Variants in SNAP47 observed in about 807,000 individuals in gnomAD.
SNAP47 encodes synaptosomal-associated protein 47.
In SNAP47, 20 loss-of-function variants were observed where a neutral mutation model predicts 31.4. The observed-to-expected ratio is 0.64, with a 90% CI of 0.45 to 0.93. The LOEUF (loss-of-function observed/expected upper bound fraction) is 0.93, where lower values mean the gene tolerates loss of function less well. SNAP47 is among the 40% of genes least tolerant of loss of function. SNAP47 has a pLI of 0.00. For synonymous variants in SNAP47, 194 were observed against 213.4 expected (o/e 0.91, Z 0.79); for missense variants, 492 against 528.5 (o/e 0.93, Z 0.68).
At position 227,748,229 on chromosome 1, in the gene SNAP47, G is replaced by C. The variant is rs201961944; in HGVS notation, c.493G>C (p.Asp165His). 7.4e-5 allele frequency: 117 copies of C among 1,577,420 alleles called. No homozygotes were observed. Among genetic ancestry groups the C allele is most frequent in the Non-Finnish European group, 3.4e-6 (4 of 1,161,914 alleles). Residue 165 changes from aspartate to histidine, a missense_variant, in exon 2 of 5, where the codon GAC becomes CAC. Coordinates refer to ENST00000617596, the MANE Select transcript of SNAP47 (RefSeq NM_053052.4). ...GATGGAGTCAGACCTGGAGGTGGCG[G>C]ACAGGTGGGCTTGCTGTGTACACTT... ...DKMESDLEVA[D>H]RLLTELESPA... is the part of the protein sequence containing the mutation.
intron 2 of SNAP47, among the ~76,000 whole-genome samples, chr1:227,754,954 C>T (rs1662603477): frequency 6.6e-6 from 1 of 152,144 alleles, no homozygotes; most frequent in Admixed American, 6.5e-5. Flanking sequence ...CCTAAGCACC[C>T]CAGCCAACTG....
At chr1:227,730,591 C>G (rs1660579170), upstream of SNAP47, 1 of 152,140 alleles carries the variant, frequency 6.6e-6, no homozygotes, top group African/African-American at 2.4e-5. Context: ...TGTAACAGCC[C>G]CAGCCTGAGA....
upstream of SNAP47, chr1:227,734,761 G>C (rs371069318): frequency 5.3e-5 from 86 of 1,614,116 alleles, no homozygotes; most frequent in African/African-American, 9.6e-4. Context: ...TGTGCTCTTT[G>C]GGGTTCGAGT....
upstream of SNAP47, among the ~76,000 whole-genome samples, chr1:227,730,096 C>T (rs1414257526): frequency 6.6e-6 from 1 of 152,226 alleles, no homozygotes; most frequent in African/African-American, 2.4e-5. Flanking sequence ...CTCAGGAACA[C>T]TAGTTAGCTG....
intron 3 of SNAP47, among the ~76,000 whole-genome samples, chr1:227,765,207 A>G (rs1663314814): frequency 6.6e-6 from 1 of 151,864 alleles, no homozygotes; most frequent in South Asian, 2.1e-4. Flanking sequence ...CAGACAGCAC[A>G]CTGCAGACCA....
upstream of SNAP47, chr1:227,732,901 C>T (rs200290119): frequency 3.1e-5 from 50 of 1,612,708 alleles, no homozygotes; most frequent in African/African-American, 5.2e-4. Flanking sequence ...TGGTGCCAGT[C>T]GGGCATGGAG....
intron 1 of SNAP47, chr1:227,746,682 T>C (rs1359148569): frequency 6.6e-6 from 1 of 152,222 alleles, no homozygotes; most frequent in Non-Finnish European, 1.5e-5. Context: ...AGCTGTGCCA[T>C]GGAAAGCCCA....
chr1:227,735,219 C>G (rs754645573), upstream of SNAP47: 1 of 1,592,230 alleles, frequency 6.3e-7, no homozygotes, highest in African/African-American at 1.3e-5. Flanking sequence ...CCGGGGACAT[C>G]GACCCCCAGG....
chr1:227,774,593 C>T (rs1033588174), intron 4 of SNAP47, among the ~76,000 whole-genome samples: 5 of 151,462 alleles, frequency 3.3e-5, no homozygotes, highest in South Asian at 2.1e-4. Flanking sequence ...GGCCGCAGCG[C>T]GCAGGGCAGA....
chr1:227,758,085 C>T (rs901968654), intron 2 of SNAP47, among the ~76,000 whole-genome samples: 1 of 152,202 alleles, frequency 6.6e-6, no homozygotes, highest in Non-Finnish European at 1.5e-5. Flanking sequence ...CCTGTAGCTG[C>T]AGGACAGAGC....
intron 1 of SNAP47, among the ~76,000 whole-genome samples, chr1:227,740,946 C>T (rs551820876): frequency 7.0e-4 from 101 of 144,584 alleles, no homozygotes; most frequent in Non-Finnish European, 1.1e-3. Context: ...GGGGCAGATG[C>T]CCAGCGGGTG....
chr1:227,747,627 T>C, intron 1 of SNAP47, 65 bp from the exon 2 acceptor site: 1 of 1,492,156 alleles, frequency 6.7e-7, no homozygotes, highest in Non-Finnish European at 9.0e-7. Flanking sequence ...GCAGCATCCT[T>C]GTGGGGTTGC....
rs544090878 is a variant in SNAP47, at chr1:227,750,931, C to T, written c.497+2698C>T. On this transcript the variant is annotated intron_variant, in intron 2 of 4. Coordinates refer to ENST00000617596, the MANE Select transcript of SNAP47 (RefSeq NM_053052.4). ...GTAGAGGGAGATTGGGAGGAGGCTG[C>T]CAAGGCACACGATTATCCATGGCAT... Among the ~76,000 whole-genome samples the T allele has an allele frequency of 3.3e-5, 5 of 152,202 alleles. No homozygotes were observed. In the South Asian group the frequency reaches 8.3e-4, roughly 25 times the overall value.
Position 227,771,653 on chromosome 1 carries a change from C to T in SNAP47, c.1113+4570C>T, listed in dbSNP as rs533425699. 4.4e-3 allele frequency among the ~76,000 whole-genome samples: 612 copies of T among 139,598 alleles called. 26 individuals are homozygous for T. The highest frequency in any genetic ancestry group is 0.035 in the Admixed American group (488 of 13,756). 91.6% of individuals were successfully genotyped at this position (139,598 alleles called of 152,430 possible). A position where few individuals can be genotyped will look rare whatever the true frequency, so the allele number is the denominator to read the frequency against. On this transcript the variant is annotated intron_variant, in intron 4 of 4. Coordinates refer to ENST00000617596, the MANE Select transcript of SNAP47 (RefSeq NM_053052.4). The stretch of plus-strand genomic sequence containing the variant: ...CCTGCTCACCCGCCTCTGTGCACCC[C>T]GCCCACCCCCACCCCCACCCCCACC...
intron 3 of SNAP47, among the ~76,000 whole-genome samples, chr1:227,764,882 C>T (rs929734734): frequency 3.3e-5 from 5 of 151,870 alleles, no homozygotes; most frequent in Non-Finnish European, 5.9e-5. Flanking sequence ...CCAGCCTGGG[C>T]GACAGAGCAA....
intron 4 of SNAP47, among the ~76,000 whole-genome samples, chr1:227,774,353 G>A (rs755463206): frequency 2.0e-5 from 3 of 150,404 alleles, no homozygotes; most frequent in Non-Finnish European, 4.4e-5. Flanking sequence ...TTGTGCAGCT[G>A]TTGACACCAT....
chr1:227,736,715 G>A (rs1661223623), intron 1 of SNAP47, among the ~76,000 whole-genome samples: 1 of 145,876 alleles, frequency 6.9e-6, no homozygotes, highest in South Asian at 2.2e-4. Flanking sequence ...GTAGAGACAG[G>A]GTCTCTGTGT....
rs116907381 is a variant in SNAP47, at chr1:227,761,573, T to C, written c.988+2088T>C. Among the ~76,000 whole-genome samples, 690 of 152,238 alleles carry C rather than the reference T, an allele frequency of 4.5e-3. 17 individuals are homozygous for C. The South Asian group carries it at 0.055, about 12-fold the overall frequency. On this transcript the variant is annotated intron_variant, in intron 3 of 4. Coordinates refer to ENST00000617596, the MANE Select transcript of SNAP47 (RefSeq NM_053052.4). ...GCAGGCCTGAACCCGAGTGTCCTAG[T>C]GGGAGACAGGCTACAGAAGCATAGG...
At chr1:227,730,561 T>C (rs1660576353), upstream of SNAP47, 1 of 152,162 alleles carries the variant, frequency 6.6e-6, no homozygotes, top group Non-Finnish European at 1.5e-5. Flanking sequence ...GCTTCTGGCA[T>C]TTGCTGTTTT....
Sources: allele counts gnomAD v4.1 joint callset (sites outside exome capture counted in the v4.1 genomes callset), GRCh38; gene constraint gnomAD v4.1.1; transcripts MANE v1.5; gene names NCBI Gene and HGNC (gene_info 2026-07-23, HGNC 2026-07-21).